The following KANSL2 variants were observed in gnomAD, a reference collection of about 807,000 sequenced individuals.
KANSL2 encodes the protein NSL complex protein NSL2.
KANSL2 carries 34 observed loss-of-function variants against 55.6 expected under a neutral mutation model. The observed-to-expected ratio is 0.61, with a 90% CI of 0.46 to 0.81. The LOEUF is 0.81. Among genes scored for constraint, KANSL2 ranks in the 40% least tolerant of loss-of-function variants. KANSL2 has a pLI of 0.00. For synonymous variants in KANSL2, 209 were observed against 214.3 expected, an observed-to-expected ratio of 0.98 and a Z score of 0.22; for missense variants, 502 against 609.9, an observed-to-expected ratio of 0.82 and a Z score of 1.86.
At chr12:48,681,839 G>A in intron 1 of KANSL2, 198 bp from the exon 2 acceptor site, 1 of 715,914 alleles carries the variant, frequency 1.4e-6, no homozygotes, top group Non-Finnish European at 2.5e-6. Flanking sequence ...TCCATGCCCG[G>A]CCCCACCCCG....
At position 48,679,098 on chromosome 12, in the gene KANSL2, T is replaced by C. The variant is rs1328440472; in HGVS notation, c.483A>G (p.Thr161=). 3 of 1,613,954 alleles carry C rather than the reference T, an allele frequency of 1.9e-6. No individual in the cohort carries two copies. The highest frequency in any genetic ancestry group is 2.5e-6 in the Non-Finnish European group (3 of 1,179,876). Residue 161 remains threonine (T), a synonymous_variant, in exon 4 of 10, where the codon ACA becomes ACG. Coordinates refer to ENST00000420613, the MANE Select transcript of KANSL2 (RefSeq NM_017822.4). ...GEQEPITVDQ[T]WRGDPDSEAD... is the part of the protein sequence containing the mutation. The stretch of plus-strand genomic sequence containing the variant: ...CTTCACTGTCAGGGTCACCTCTCCA[T>C]GTCTGATCCACAGTAATGGGTTCCT...
intron 2 of KANSL2, chr12:48,681,143 A>G (rs1189011302): frequency 9.9e-6 from 3 of 301,716 alleles, no homozygotes; most frequent in Non-Finnish European, 1.8e-5. Flanking sequence ...AAAAAAAAAG[A>G]CTAATTTAGA....
intron 5 of KANSL2, among the ~76,000 whole-genome samples, chr12:48,671,403 A>T (rs1340738164): frequency 6.6e-6 from 1 of 152,218 alleles, no homozygotes; most frequent in Non-Finnish European, 1.5e-5. Context: ...AGTAGTAAAT[A>T]ATAATGTGCT....
chr12:48,682,028 T>G (rs2277365), intron 1 of KANSL2, 159 bp downstream of exon 1: 227,379 of 702,832 alleles, frequency 0.32, 43,951 homozygotes, highest in East Asian at 0.77. Flanking sequence ...CATTTTGTCC[T>G]ACGGCTCCAG....
At chr12:48,673,218 G>A (rs981515051) in intron 4 of KANSL2, among the ~76,000 whole-genome samples, 12 of 152,026 alleles carry the variant, frequency 7.9e-5, no homozygotes, top group Non-Finnish European at 1.8e-4. Context: ...CAAAGATCTG[G>A]CACGGATCCA....
At chr12:48,659,825 G>A (rs567408129) in intron 8 of KANSL2, among the ~76,000 whole-genome samples, 1 of 152,338 alleles carries the variant, frequency 6.6e-6, no homozygotes, top group East Asian at 1.9e-4. Flanking sequence ...AAAAAGGAAT[G>A]AAGTATTGAT....
intron 4 of KANSL2, among the ~76,000 whole-genome samples, chr12:48,672,843 C>A (rs1939752228): frequency 6.6e-6 from 1 of 152,088 alleles, no homozygotes; most frequent in Non-Finnish European, 1.5e-5. Context: ...ACTGCAACCT[C>A]CGCTTCCCAG....
Position 48,654,171 on chromosome 12 carries a change from T to A in KANSL2, c.1352A>T (p.Gln451Leu). The A allele has an allele frequency of 6.2e-7, 1 of 1,601,836 alleles. No homozygotes were observed. The highest frequency in any genetic ancestry group is 8.5e-7 in the Non-Finnish European group (1 of 1,176,124). The change falls in exon 10 of 10, where the codon CAG (glutamine) becomes CTG (leucine). Residue 451 changes from glutamine to leucine, a missense_variant. By Grantham distance (113) the Gln-to-Leu change is moderately radical. Transcript: ENST00000420613. Reference protein sequence around the residue: ...IAEDPVDILGQMQMAGDGCRS... With the variant: ...IAEDPVDILGLMQMAGDGCRS... ...GCACCCATCTCCAGCCATCTGCATCTGGCCCTGTTAAAAGAAATAAAGGCA... is the reference window on the plus strand; with the variant it reads ...GCACCCATCTCCAGCCATCTGCATCAGGCCCTGTTAAAAGAAATAAAGGCA...
chr12:48,682,183 T>G lies in KANSL2; in HGVS notation c.-10+4A>C, dbSNP rs576690565. 1 of 691,968 alleles carries G rather than the reference T, an allele frequency of 1.4e-6. No homozygotes were observed. Among genetic ancestry groups the G allele is most frequent in the South Asian group, 1.5e-5 (1 of 66,782 alleles). The allele number at this position is 691,968 out of a possible 1,614,324, so 42.9% of individuals were successfully genotyped here. On this transcript the variant is annotated splice_donor_region_variant and intron_variant, in intron 1 of 9. Coordinates refer to ENST00000420613, the MANE Select transcript of KANSL2 (RefSeq NM_017822.4). The stretch of plus-strand genomic sequence containing the variant: ...GCTTAGAGGAAAGAGCACCGCCATC[T>G]TACCTCAGGAGCTGCGCTGCGCCGC...
chr12:48,675,939 G>A (rs1939812821), intron 4 of KANSL2, among the ~76,000 whole-genome samples: 1 of 152,016 alleles, frequency 6.6e-6, no homozygotes, highest in Admixed American at 6.6e-5. Context: ...AATTTATTTG[G>A]AAAACAATGA....
At chr12:48,656,857 T>G (rs911841098) in intron 8 of KANSL2, 1 of 423,364 alleles carries the variant, frequency 2.4e-6, no homozygotes, top group Non-Finnish European at 4.6e-6. Flanking sequence ...TGCTAAATTC[T>G]CCTTCTTCCT....
At chr12:48,668,608 A>T (rs1485512187) in intron 6 of KANSL2, among the ~76,000 whole-genome samples, 2 of 152,208 alleles carry the variant, frequency 1.3e-5, no homozygotes, top group Non-Finnish European at 2.9e-5. Context: ...CTGAGGGAGG[A>T]GAATCACTTG....
At chr12:48,672,826 T>G (rs974650669) in intron 4 of KANSL2, among the ~76,000 whole-genome samples, 6 of 152,202 alleles carry the variant, frequency 3.9e-5, no homozygotes, top group Admixed American at 3.3e-4. Context: ...TGGCACAACC[T>G]TGGCTCACTG....
At chr12:48,661,192 T>C in intron 7 of KANSL2, 1 of 929,816 alleles carries the variant, frequency 1.1e-6, no homozygotes, top group Non-Finnish European at 1.3e-6. Flanking sequence ...TAAATATACA[T>C]GCCTTTTTTT....
chr12:48,659,698 A>G (rs910088807), intron 8 of KANSL2, among the ~76,000 whole-genome samples: 3 of 152,222 alleles, frequency 2.0e-5, no homozygotes, highest in African/African-American at 7.2e-5. Context: ...CTCTGTCTCA[A>G]AAGTTCTTAA....
At chr12:48,682,012 G>T (rs1034673600) in intron 1 of KANSL2, 175 bp downstream of exon 1, 3 of 702,886 alleles carry the variant, frequency 4.3e-6, no homozygotes, top group Admixed American at 2.0e-5. Flanking sequence ...AAGCCTATGC[G>T]AGCGCCATTT....
chr12:48,669,791 G>A lies in KANSL2; in HGVS notation c.710-519C>T, dbSNP rs376798652. Among the ~76,000 whole-genome samples, 12 of 152,124 alleles carry A rather than the reference G, an allele frequency of 7.9e-5. 1 individual carries two copies. The East Asian group carries it at 1.6e-3, about 20-fold the overall frequency. On this transcript the variant is annotated intron_variant, in intron 5 of 9. Transcript: ENST00000420613. ...CCCAAAGTGCTGGGATTACAGGCAT[G>A]AGCCACCGCACCCGGCCAAAGCTGA...
rs548091353 is a variant in KANSL2 at position 48,664,730 on chromosome 12, G to A, written c.973+2963C>T. The stretch of plus-strand genomic sequence containing the variant: ...CAAGTAGCAAGGATTACAGGAACCC[G>A]CCACCATGCCTGGCTAGTTTTTTTT... On this transcript the variant is annotated intron_variant, in intron 7 of 9. Coordinates refer to ENST00000420613, the MANE Select transcript of KANSL2 (RefSeq NM_017822.4). Among the ~76,000 whole-genome samples the A allele has an allele frequency of 1.0e-3, 152 of 151,098 alleles. 2 individuals are homozygous for A. Among genetic ancestry groups the A allele is most frequent in the African/African-American group, 2.8e-3 (117 of 41,152 alleles).
intron 3 of KANSL2, 134 bp downstream of exon 3, chr12:48,679,521 G>T: frequency 1.4e-6 from 1 of 716,480 alleles, no homozygotes; most frequent in Non-Finnish European, 2.3e-6. Flanking sequence ...AAACAACAAA[G>T]CAATCCCAGC....
Sources: allele counts gnomAD v4.1 joint callset (sites outside exome capture counted in the v4.1 genomes callset), GRCh38; gene constraint gnomAD v4.1.1; transcripts MANE v1.5; gene names NCBI Gene and HGNC (gene_info 2026-07-23, HGNC 2026-07-21).